LIPC: variants seen among roughly 807,000 people sequenced by gnomAD.
LIPC encodes the protein hepatic triacylglycerol lipase.
In LIPC, 44 loss-of-function variants were observed where a neutral mutation model predicts 50.7. That is an observed-to-expected ratio of 0.87 (90% confidence interval 0.68 to 1.11). The LOEUF (loss-of-function observed/expected upper bound fraction) is 1.11, where lower values mean the gene tolerates loss of function less well. Among genes scored for constraint, LIPC ranks in the 50% most tolerant of loss-of-function variants. The probability of loss-of-function intolerance (pLI) is 0.00; values close to 1 mark genes in which losing one functional copy is unlikely to be tolerated. For missense variants in LIPC, 697 were observed against 648.2 expected (o/e 1.08, Z -0.82); for synonymous variants, 271 against 256.4 (o/e 1.06, Z -0.54).
rs1392247598 is a variant in LIPC, at chr15:58,565,837, G to C, written c.1388+2114G>C. 18 of 983,622 alleles carry C rather than the reference G, an allele frequency of 1.8e-5. 1 individual carries two copies. The highest frequency in any genetic ancestry group is 2.2e-5 in the Non-Finnish European group (18 of 829,816). 60.9% of individuals were successfully genotyped at this position (983,622 alleles called of 1,614,324 possible). A position where few individuals can be genotyped will look rare whatever the true frequency, so the allele number is the denominator to read the frequency against. On this transcript the variant is annotated intron_variant, in intron 8 of 8. Transcript: ENST00000299022. ...GAGGTACTGTATGCGGGTTATGGGA[G>C]CTATAATTTTTTTTAGGTTGTAAAT...
chr15:58,501,619 A>T (rs1891987771), intron 1 of LIPC, among the ~76,000 whole-genome samples: 3 of 152,158 alleles, frequency 2.0e-5, no homozygotes, highest in African/African-American at 7.2e-5. Flanking sequence ...ATGACATCTG[A>T]TTGGGCCTAA....
At chr15:58,472,365 A>G (rs1347053174) in intron 1 of LIPC, among the ~76,000 whole-genome samples, 1 of 151,418 alleles carries the variant, frequency 6.6e-6, no homozygotes, top group Non-Finnish European at 1.5e-5. Flanking sequence ...ACATGAGGCC[A>G]GGTGTTCAAG....
At chr15:58,442,154 C>T (rs1483215789) in intron 1 of LIPC, among the ~76,000 whole-genome samples, 1 of 152,152 alleles carries the variant, frequency 6.6e-6, no homozygotes, top group South Asian at 2.1e-4. Flanking sequence ...TAATAGTGTC[C>T]CTTCCACACT....
At chr15:58,455,122 G>A (rs563199664) in intron 1 of LIPC, 1 of 152,196 alleles carries the variant, frequency 6.6e-6, no homozygotes, top group Non-Finnish European at 1.5e-5. Flanking sequence ...AGCCATGATG[G>A]CTGTATTTAT....
chr15:58,514,976 C>T (rs1892440604), intron 1 of LIPC, among the ~76,000 whole-genome samples: 2 of 152,212 alleles, frequency 1.3e-5, no homozygotes, highest in South Asian at 4.1e-4. Context: ...TGTGTTTCTT[C>T]TGGAGACTCT....
chr15:58,495,990 A>G (rs555749060), intron 1 of LIPC, among the ~76,000 whole-genome samples: 3 of 152,270 alleles, frequency 2.0e-5, no homozygotes, highest in South Asian at 2.1e-4. Context: ...TCTTTTCCAG[A>G]TAAGAAAAGG....
intron 1 of LIPC, among the ~76,000 whole-genome samples, chr15:58,521,103 A>G (rs1199147459): frequency 6.6e-6 from 1 of 152,162 alleles, no homozygotes; most frequent in Non-Finnish European, 1.5e-5. Context: ...GTTGCTGGCC[A>G]GTGGCTCCTG....
intron 1 of LIPC, among the ~76,000 whole-genome samples, chr15:58,473,122 C>T (rs1595879102): frequency 6.6e-6 from 1 of 152,100 alleles, no homozygotes; most frequent in African/African-American, 2.4e-5. Context: ...CATGCCTCAA[C>T]CAAGGATCAG....
chr15:58,548,259 C>A (rs1893606227), intron 5 of LIPC, 71 bp from the exon 6 acceptor site: 1 of 1,610,260 alleles, frequency 6.2e-7, no homozygotes, highest in Non-Finnish European at 8.5e-7. Context: ...GGATGAGAAC[C>A]AAGGTGATCC....
chr15:58,487,429 T>C (rs1457390060), intron 1 of LIPC, among the ~76,000 whole-genome samples: 3 of 152,232 alleles, frequency 2.0e-5, no homozygotes, highest in Non-Finnish European at 4.4e-5. Context: ...GTGGTGGTAA[T>C]AGCACTGCTT....
intron 1 of LIPC, among the ~76,000 whole-genome samples, chr15:58,507,115 A>G (rs1262379732): frequency 6.6e-6 from 1 of 152,210 alleles, no homozygotes; most frequent in African/African-American, 2.4e-5. Flanking sequence ...TGTGGGGATT[A>G]TGGGAACTAC....
intron 4 of LIPC, 128 bp downstream of exon 4, chr15:58,542,779 A>G: frequency 1.4e-6 from 1 of 690,596 alleles, no homozygotes; most frequent in Non-Finnish European, 2.7e-6. Context: ...CGCTCATGAG[A>G]GGACTTGTGA....
chr15:58,470,261 G>C (rs1263309093), intron 1 of LIPC, among the ~76,000 whole-genome samples: 2 of 152,090 alleles, frequency 1.3e-5, no homozygotes, highest in East Asian at 3.8e-4. Flanking sequence ...TTAAAAGACT[G>C]TAAATGAGAG....
At chr15:58,432,158 T>C (rs1207210416) in intron 1 of LIPC, 38 bp downstream of exon 1, 1 of 1,447,248 alleles carries the variant, frequency 6.9e-7, no homozygotes, top group Non-Finnish European at 9.7e-7. Context: ...GGGCATGAAC[T>C]TTTCTTTTTA....
intron 8 of LIPC, among the ~76,000 whole-genome samples, chr15:58,567,389 CAG>C (rs1224364943): frequency 2.8e-5 from 4 of 141,578 alleles, no homozygotes; most frequent in Non-Finnish European, 4.6e-5. Flanking sequence ...AGTGAACAGA[CAG>C]AGTCCTTGGT....
At chr15:58,441,306 A>G (rs1321515819) in intron 1 of LIPC, among the ~76,000 whole-genome samples, 1 of 152,254 alleles carries the variant, frequency 6.6e-6, no homozygotes, top group Admixed American at 6.5e-5. Context: ...GCAGGAGCAC[A>G]TAACAGGAGC....
At position 58,478,042 on chromosome 15, in the gene LIPC, C is replaced by T. The variant is rs572373875; in HGVS notation, c.88+45922C>T. Among the ~76,000 whole-genome samples, 3 of 152,234 alleles carry T rather than the reference C, an allele frequency of 2.0e-5. No individual in the cohort carries two copies. The South Asian group carries it at 6.2e-4, about 32-fold the overall frequency. ...CAGGCTCTGGCTTTCAGCTCCTACC[C>T]CAGAAATGCCCACCTCCCCCCATAG... On this transcript the variant is annotated intron_variant, in intron 1 of 8. Coordinates refer to ENST00000299022, the MANE Select transcript of LIPC (RefSeq NM_000236.3).
chr15:58,537,727 C>A (rs915761524), intron 1 of LIPC, among the ~76,000 whole-genome samples: 21 of 152,208 alleles, frequency 1.4e-4, no homozygotes, highest in Non-Finnish European at 2.9e-4. Flanking sequence ...AAAAGCCCTC[C>A]CTGAATGCCA....
At chr15:58,534,706 G>A (rs1449762130) in intron 1 of LIPC, among the ~76,000 whole-genome samples, 4 of 152,088 alleles carry the variant, frequency 2.6e-5, no homozygotes, top group Non-Finnish European at 4.4e-5. Context: ...AACTGATCCC[G>A]CTTCCCTCTT....
Sources: allele counts gnomAD v4.1 joint callset (sites outside exome capture counted in the v4.1 genomes callset), GRCh38; gene constraint gnomAD v4.1.1; transcripts MANE v1.5; gene names NCBI Gene and HGNC (gene_info 2026-07-23, HGNC 2026-07-21).